The following DENND1B variants were observed in gnomAD, a reference collection of about 807,000 sequenced individuals.
The protein encoded by DENND1B is DENN domain-containing protein 1B.
DENND1B carries 59 observed loss-of-function variants against 90.1 expected under a neutral mutation model. The ratio of observed to expected loss-of-function variants is 0.65; its 90% CI spans 0.53 to 0.81. The LOEUF is 0.81. Ranked by LOEUF, DENND1B falls within the 40% of genes least tolerant of loss-of-function variation. DENND1B has a pLI of 0.00. For missense variants in DENND1B, 862 were observed against 912.6 expected, an observed-to-expected ratio of 0.94 and a Z score of 0.71; for synonymous variants, 337 against 324.6, an observed-to-expected ratio of 1.04 and a Z score of -0.41.
intron 2 of DENND1B, among the ~76,000 whole-genome samples, chr1:197,771,609 T>C (rs143820428): frequency 1.3e-5 from 2 of 152,256 alleles, no homozygotes; most frequent in African/African-American, 4.8e-5. Context: ...CCATGCCCAT[T>C]TCACCACAAC....
At chr1:197,645,146 T>C (rs924561776) in intron 9 of DENND1B, among the ~76,000 whole-genome samples, 9 of 152,106 alleles carry the variant, frequency 5.9e-5, no homozygotes, top group African/African-American at 1.9e-4. Context: ...ATTTTAGCAA[T>C]TTTTAAAATT....
rs973839503 is a variant in DENND1B, at chr1:197,775,167, G to C, written c.-12C>G. 1.5e-6 allele frequency: 2 copies of C among 1,291,474 alleles called. No individual in the cohort carries two copies. The highest frequency in any genetic ancestry group is 9.9e-7 in the Non-Finnish European group (1 of 1,012,912). The allele number at this position is 1,291,474 out of a possible 1,614,324, so 80.0% of individuals were successfully genotyped here. A position where few individuals can be genotyped will look rare whatever the true frequency, so the allele number is the denominator to read the frequency against. On this transcript the variant is annotated 5_prime_UTR_variant, in exon 1 of 23. Coordinates refer to ENST00000620048, the MANE Select transcript of DENND1B (RefSeq NM_001195215.2). ...GTCCTGCAGTCCATGGTTACATGTC[G>C]GTGTGGGGCTGTCCGTCCGGCCCCC...
chr1:197,603,894 G>A (rs1676428314), intron 13 of DENND1B, among the ~76,000 whole-genome samples: 1 of 151,182 alleles, frequency 6.6e-6, no homozygotes, highest in Non-Finnish European at 1.5e-5. Flanking sequence ...AGTCATTTGA[G>A]ATTTCAAATG....
chr1:197,527,339 T>C (rs1345715616), intron 20 of DENND1B, among the ~76,000 whole-genome samples: 22 of 150,654 alleles, frequency 1.5e-4, no homozygotes, highest in Admixed American at 1.4e-3. Context: ...GAGGCAGAGT[T>C]TGGCATGATC....
At chr1:197,607,858 T>C (rs1399958405) in intron 12 of DENND1B, among the ~76,000 whole-genome samples, 1 of 150,734 alleles carries the variant, frequency 6.6e-6, no homozygotes, top group Admixed American at 6.6e-5. Flanking sequence ...TAAATAAGAA[T>C]TTTATCATAG....
chr1:197,527,077 TTC>T (rs1246457994), intron 20 of DENND1B, among the ~76,000 whole-genome samples: 3 of 152,186 alleles, frequency 2.0e-5, no homozygotes, highest in East Asian at 1.9e-4. Context: ...AAAAATAACT[TTC>T]TGTCACATTA....
chr1:197,723,185 T>G (rs997907061), intron 2 of DENND1B, among the ~76,000 whole-genome samples: 1 of 152,214 alleles, frequency 6.6e-6, no homozygotes, highest in Non-Finnish European at 1.5e-5. Context: ...CATAGCATGT[T>G]AGATATAACA....
intron 3 of DENND1B, among the ~76,000 whole-genome samples, chr1:197,702,466 T>G (rs1389866607): frequency 2.0e-5 from 3 of 152,206 alleles, no homozygotes; most frequent in Non-Finnish European, 4.4e-5. Context: ...TCTGGAAAAC[T>G]TTATGTCAGC....
In DENND1B at chr1:197,583,228, T is replaced by G; in HGVS notation, c.1073A>C (p.Glu358Ala). The change falls in exon 15 of 23, where the codon GAG becomes GCG. Residue 358 changes from glutamate to alanine, a missense_variant. Physicochemically the swap from Glu to Ala is moderately radical, Grantham distance 107. Transcript: ENST00000620048. ...GCTTGAGCGGTGCTTTACAAAACTC[T>G]CCTCACAGAAAGTGATGGGCTCACC... ...KPGEPITFCE[E>A]SFVKHRSSVM... 1 of 1,613,818 alleles carries G rather than the reference T, an allele frequency of 6.2e-7. No homozygotes were observed. Among genetic ancestry groups the G allele is most frequent in the Non-Finnish European group, 8.5e-7 (1 of 1,179,784 alleles).
chr1:197,678,866 T>G (rs879775321), intron 3 of DENND1B, among the ~76,000 whole-genome samples: 5 of 152,114 alleles, frequency 3.3e-5, no homozygotes, highest in Non-Finnish European at 5.9e-5. Flanking sequence ...GAATATATTT[T>G]TAAACTTAGG....
chr1:197,536,203 T>TGAGATGAGG (rs1669893038), intron 20 of DENND1B, among the ~76,000 whole-genome samples: 1 of 86,834 alleles, frequency 1.2e-5, no homozygotes, highest in Non-Finnish European at 2.6e-5. Flanking sequence ...ATGAGATGAG[T>TGAGATGAGG]AGGGAGAGAA....
intron 2 of DENND1B, among the ~76,000 whole-genome samples, chr1:197,717,334 A>G (rs1167883634): frequency 6.6e-6 from 1 of 151,928 alleles, no homozygotes; most frequent in African/African-American, 2.4e-5. Flanking sequence ...TTTTATGCTG[A>G]TTTTATGGGT....
chr1:197,513,032 G>A, intron 20 of DENND1B, 79 bp from the exon 21 acceptor site: 1 of 1,220,652 alleles, frequency 8.2e-7, no homozygotes, highest in Non-Finnish European at 1.1e-6. Flanking sequence ...GCAACAATGT[G>A]ATTTCATAAG....
Position 197,708,139 on chromosome 1 carries a change from C to G in DENND1B, c.126+6892G>C, listed in dbSNP as rs1431372523. ...CTGAGATCAAACTGCAAGGCGGCAA[C>G]GAGGCTGGGGGAGGGGCGCCCGCCA... is the stretch of plus-strand genomic sequence containing the variant. On this transcript the variant is annotated intron_variant, in intron 3 of 22. Coordinates refer to ENST00000620048, the MANE Select transcript of DENND1B (RefSeq NM_001195215.2). Among the ~76,000 whole-genome samples, 6 of 100,628 alleles carry G rather than the reference C, an allele frequency of 6.0e-5. No homozygotes were observed. In the East Asian group the frequency reaches 1.4e-3, roughly 24 times the overall value. The allele number at this position is 100,628 out of a possible 152,430, so 66.0% of individuals were successfully genotyped here. A position where few individuals can be genotyped will look rare whatever the true frequency, so the allele number is the denominator to read the frequency against.
intron 11 of DENND1B, among the ~76,000 whole-genome samples, chr1:197,612,985 T>C (rs988250871): frequency 6.6e-6 from 1 of 150,834 alleles, no homozygotes. Flanking sequence ...ATAGCAGATA[T>C]ATGAATAAAT....
At chr1:197,583,888 A>AT (rs1450876320) in intron 14 of DENND1B, among the ~76,000 whole-genome samples, 4 of 151,926 alleles carry the variant, frequency 2.6e-5, no homozygotes, top group East Asian at 3.9e-4. Context: ...TACTGATTCC[A>AT]TTTTTTTTCT....
chr1:197,700,649 AC>A (rs1162345046), intron 3 of DENND1B, among the ~76,000 whole-genome samples: 1 of 152,234 alleles, frequency 6.6e-6, no homozygotes, highest in Non-Finnish European at 1.5e-5. Flanking sequence ...ATCAGAATGA[AC>A]AGGCAACCTA....
intron 16 of DENND1B, among the ~76,000 whole-genome samples, chr1:197,550,312 T>A (rs531447720): frequency 1.3e-5 from 2 of 152,052 alleles, no homozygotes; most frequent in Non-Finnish European, 2.9e-5. Context: ...AAACAGTATA[T>A]CTTTGAAGCC....
chr1:197,758,430 A>G (rs758468210), intron 2 of DENND1B, among the ~76,000 whole-genome samples: 20 of 152,226 alleles, frequency 1.3e-4, no homozygotes, highest in Non-Finnish European at 2.5e-4. Flanking sequence ...GCTAACAACC[A>G]CAACACAGAA....
Sources: gnomAD v4.1 joint callset for allele counts (sites outside exome capture counted in the v4.1 genomes callset) on GRCh38, gnomAD v4.1.1 for gene constraint, MANE v1.5 for transcripts, NCBI Gene and HGNC (gene_info 2026-07-23, HGNC 2026-07-21) for gene names.